ROCK2: variants seen among roughly 807,000 people sequenced by gnomAD.
ROCK2 encodes rho-associated protein kinase 2.
Under a neutral mutation model 195.1 loss-of-function variants are expected in ROCK2, and 61 were observed. The observed-to-expected ratio is 0.31, with a 90% CI of 0.25 to 0.39. ROCK2 has a LOEUF of 0.39. Among genes scored for constraint, ROCK2 ranks in the 10% least tolerant of loss-of-function variants. ROCK2 has a pLI of 1.00. For missense variants in ROCK2, 1,109 were observed against 1,637.4 expected (o/e 0.68, Z 5.57); for synonymous variants, 504 against 545.5 (o/e 0.92, Z 1.06).
rs574192549 is a variant in ROCK2, at chr2:11,211,976, G to A, written c.2044-136C>T. 4.4e-5 allele frequency: 25 copies of A among 569,520 alleles called. 1 individual carries two copies. In the East Asian group the frequency reaches 6.0e-4, roughly 14 times the overall value. The allele number at this position is 569,520 out of a possible 1,614,324, so 35.3% of individuals were successfully genotyped here. ...GCTGAAGTGCAGTGGTTTGATTATGGCTCATTGCAGCCTCAACCTCCCCAG... is the reference window on the plus strand; with the variant it reads ...GCTGAAGTGCAGTGGTTTGATTATGACTCATTGCAGCCTCAACCTCCCCAG... On this transcript the variant is annotated intron_variant, in intron 17 of 32. Coordinates refer to ENST00000315872, the MANE Select transcript of ROCK2 (RefSeq NM_004850.5).
chr2:11,194,848 T>C (rs1663569149), intron 28 of ROCK2, 107 bp downstream of exon 28: 1 of 467,084 alleles, frequency 2.1e-6, no homozygotes, highest in Non-Finnish European at 3.8e-6. Context: ...ACAAGTTCTA[T>C]GTGTCTAAAG....
At chr2:11,333,757 T>C (rs1221516356) in intron 1 of ROCK2, among the ~76,000 whole-genome samples, 1 of 152,204 alleles carries the variant, frequency 6.6e-6, no homozygotes, top group East Asian at 1.9e-4. Context: ...TTTCACCTTG[T>C]GAACACACCA....
intron 3 of ROCK2, among the ~76,000 whole-genome samples, chr2:11,286,065 G>A (rs956539793): frequency 6.7e-6 from 1 of 150,298 alleles, no homozygotes; most frequent in East Asian, 2.0e-4. Flanking sequence ...AGGAATACGA[G>A]ATTAGGAAGA....
upstream of ROCK2, among the ~76,000 whole-genome samples, chr2:11,344,962 C>T (rs1320816820): frequency 4.6e-5 from 7 of 150,876 alleles, no homozygotes; most frequent in African/African-American, 1.7e-4. The surrounding 1 kb of genome is among the most constrained non-coding windows in gnomAD (Gnocchi z 5.4). Context: ...CGGACTACCC[C>T]GCGGCCCCGA....
At chr2:11,257,276 C>G (rs1439073662) in intron 3 of ROCK2, among the ~76,000 whole-genome samples, 1 of 96 alleles carries the variant, frequency 0.01, no homozygotes, top group Non-Finnish European at 0.026. Flanking sequence ...CTGTGGAGTC[C>G]CTGCTGGCCC....
chr2:11,287,013 T>A (rs184242894), intron 2 of ROCK2, among the ~76,000 whole-genome samples: 172 of 152,310 alleles, frequency 1.1e-3, no homozygotes, highest in African/African-American at 3.8e-3. Flanking sequence ...ATCTTAGTAA[T>A]GAATTTTGAT....
chr2:11,311,814 T>A (rs1210654931), intron 1 of ROCK2, among the ~76,000 whole-genome samples: 1 of 152,086 alleles, frequency 6.6e-6, no homozygotes, highest in Non-Finnish European at 1.5e-5. Context: ...AAACTTAACA[T>A]AAACTTCAAA....
intron 1 of ROCK2, among the ~76,000 whole-genome samples, chr2:11,320,960 G>C (rs773087695): frequency 3.3e-5 from 5 of 152,268 alleles, no homozygotes; most frequent in Middle Eastern, 6.8e-3. Flanking sequence ...CTTCAGTAGA[G>C]AACATATCTA....
chr2:11,322,562 GTGTT>G (rs1668433938), intron 1 of ROCK2, among the ~76,000 whole-genome samples: 1 of 151,868 alleles, frequency 6.6e-6, no homozygotes, highest in African/African-American at 2.4e-5. Context: ...TTAATTCAGG[GTGTT>G]TGTTATCTGC....
chr2:11,300,012 A>G (rs1488664561), intron 1 of ROCK2, among the ~76,000 whole-genome samples: 1 of 152,212 alleles, frequency 6.6e-6, no homozygotes, highest in East Asian at 1.9e-4. Flanking sequence ...CGGAAAGCGA[A>G]TCTAATTCAC....
intron 1 of ROCK2, chr2:11,308,193 G>A: frequency 6.3e-7 from 1 of 1,589,682 alleles, no homozygotes; most frequent in Non-Finnish European, 8.6e-7. Context: ...TGAATTCACA[G>A]AAGAAAGAAA....
chr2:11,282,069 A>G (rs1356029606), intron 3 of ROCK2, among the ~76,000 whole-genome samples: 3 of 152,206 alleles, frequency 2.0e-5, no homozygotes, highest in Non-Finnish European at 2.9e-5. Flanking sequence ...ATTAAAGAAC[A>G]GTCAGGTGCA....
intron 1 of ROCK2, among the ~76,000 whole-genome samples, chr2:11,315,574 GAATAT>G (rs948706733): frequency 9.2e-5 from 14 of 151,886 alleles, no homozygotes; most frequent in Admixed American, 4.6e-4. Context: ...TTATAATCAG[GAATAT>G]AATAAACTTC....
chr2:11,277,703 A>G (rs1443350736), intron 3 of ROCK2, among the ~76,000 whole-genome samples: 1 of 152,202 alleles, frequency 6.6e-6, no homozygotes, highest in Non-Finnish European at 1.5e-5. Flanking sequence ...ATATATACAT[A>G]GCACAATTTC....
At chr2:11,276,186 T>C (rs1285711099) in intron 3 of ROCK2, among the ~76,000 whole-genome samples, 2 of 152,206 alleles carry the variant, frequency 1.3e-5, no homozygotes, top group Non-Finnish European at 2.9e-5. Flanking sequence ...CTAGTCAACA[T>C]AGCACTGGAA....
At chr2:11,296,997 C>A (rs1384578384) in intron 1 of ROCK2, among the ~76,000 whole-genome samples, 1 of 152,008 alleles carries the variant, frequency 6.6e-6, no homozygotes, top group Admixed American at 6.6e-5. Context: ...CAGTTAAAAT[C>A]TGGGAAAGAT....
intron 32 of ROCK2, chr2:11,184,776 TAGG>T: frequency 1.0e-6 from 1 of 983,112 alleles, no homozygotes. Context: ...CAATCTGCAA[TAGG>T]AGGTTTGTAA....
chr2:11,295,115 T>TA (rs1043820178), intron 1 of ROCK2, among the ~76,000 whole-genome samples: 18 of 132,366 alleles, frequency 1.4e-4, no homozygotes, highest in African/African-American at 4.7e-4. Flanking sequence ...TTATGGCTTA[T>TA]AAATCAACAA....
At chr2:11,255,614 A>G (rs932691169) in intron 3 of ROCK2, among the ~76,000 whole-genome samples, 3 of 151,070 alleles carry the variant, frequency 2.0e-5, no homozygotes, top group African/African-American at 7.4e-5. Context: ...ATAGAAGTAA[A>G]TATCAACAGA....
Sources: gnomAD v4.1 joint callset for allele counts (sites outside exome capture counted in the v4.1 genomes callset) on GRCh38, gnomAD v4.1.1 for gene constraint, Gnocchi (gnomAD v3.1) non-coding constraint, MANE v1.5 for transcripts, NCBI Gene and HGNC (gene_info 2026-07-23, HGNC 2026-07-21) for gene names.